GCC2: variants seen among roughly 807,000 people sequenced by gnomAD.
GCC2 encodes GRIP and coiled-coil domain-containing protein 2.
Under a neutral mutation model 210.6 loss-of-function variants are expected in GCC2, and 120 were observed. The observed-to-expected ratio is 0.57, with a 90% CI of 0.49 to 0.66. The LOEUF is 0.66. GCC2 is among the 30% of genes least tolerant of loss of function. GCC2 has a pLI of 0.00. For missense variants in GCC2, 1,868 were observed against 1,871.9 expected, an observed-to-expected ratio of 1.00 and a Z score of 0.04; for synonymous variants, 703 against 652.7, an observed-to-expected ratio of 1.08 and a Z score of -1.17.
At chr2:108,480,156 T>C (rs990329464) in intron 9 of GCC2, among the ~76,000 whole-genome samples, 4 of 152,122 alleles carry the variant, frequency 2.6e-5, no homozygotes, top group Admixed American at 6.5e-5. Flanking sequence ...CTTCCAAATA[T>C]AAACTTTGCA....
intron 4 of GCC2, among the ~76,000 whole-genome samples, chr2:108,459,111 A>G (rs2104419355): frequency 6.6e-6 from 1 of 152,320 alleles, no homozygotes; most frequent in Non-Finnish European, 1.5e-5. Context: ...TGTGATACAA[A>G]AAATCACATA....
chr2:108,498,025 T>C (rs1256962033), intron 21 of GCC2, among the ~76,000 whole-genome samples: 1 of 152,114 alleles, frequency 6.6e-6, no homozygotes, highest in Non-Finnish European at 1.5e-5. Context: ...AATTCAGTTA[T>C]TTTCAGTAAA....
intron 4 of GCC2, among the ~76,000 whole-genome samples, chr2:108,460,410 G>GT (rs1680506046): frequency 6.6e-6 from 1 of 151,982 alleles, no homozygotes; most frequent in African/African-American, 2.4e-5. Flanking sequence ...CGGTTTTCTG[G>GT]TTGCTTTATA....
intron 22 of GCC2, among the ~76,000 whole-genome samples, chr2:108,502,194 G>C (rs1230710840): frequency 6.6e-6 from 1 of 152,072 alleles, no homozygotes; most frequent in African/African-American, 2.4e-5. Flanking sequence ...AGGACTTTAA[G>C]AACGTTTGCA....
At chr2:108,491,999 A>G (rs577850083) in intron 18 of GCC2, among the ~76,000 whole-genome samples, 12 of 152,172 alleles carry the variant, frequency 7.9e-5, no homozygotes, top group Non-Finnish European at 1.3e-4. Flanking sequence ...ATTTTCAACA[A>G]GGTATTCCAG....
intron 12 of GCC2, 75 bp downstream of exon 12, chr2:108,483,241 C>G: frequency 1.3e-6 from 1 of 785,752 alleles, no homozygotes. Context: ...TTGTTCTGTT[C>G]TCTCTGCAAT....
At chr2:108,500,907 C>T (rs1682893276) in intron 22 of GCC2, among the ~76,000 whole-genome samples, 1 of 152,028 alleles carries the variant, frequency 6.6e-6, no homozygotes, top group South Asian at 2.1e-4. Context: ...GTTCATTTTG[C>T]CTGTGTTATT....
intron 4 of GCC2, among the ~76,000 whole-genome samples, chr2:108,463,067 C>T (rs527532315): frequency 1.2e-4 from 18 of 151,832 alleles, no homozygotes; most frequent in Non-Finnish European, 2.5e-4. Context: ...GATATCTATT[C>T]TCTGGTAAAT....
chr2:108,484,993 A>T (rs1305712360), intron 13 of GCC2, among the ~76,000 whole-genome samples: 1 of 151,664 alleles, frequency 6.6e-6, no homozygotes, highest in African/African-American at 2.4e-5. Context: ...ATGCAGCCAT[A>T]AAAAATGATG....
chr2:108,505,548 ACTCT>A (rs748223339), intron 22 of GCC2, among the ~76,000 whole-genome samples: 161 of 152,118 alleles, frequency 1.1e-3, no homozygotes, highest in African/African-American at 3.8e-3. Flanking sequence ...TTGCTAGCGG[ACTCT>A]CTGTCTTCTC....
At chr2:108,503,701 T>C (rs1304654417) in intron 22 of GCC2, among the ~76,000 whole-genome samples, 1 of 152,238 alleles carries the variant, frequency 6.6e-6, no homozygotes, top group Non-Finnish European at 1.5e-5. Flanking sequence ...GGCAAATGTT[T>C]ATAATCTCTG....
At chr2:108,458,418 T>C (rs1680384147) in intron 4 of GCC2, among the ~76,000 whole-genome samples, 1 of 147,324 alleles carries the variant, frequency 6.8e-6, no homozygotes, top group African/African-American at 2.5e-5. Flanking sequence ...CTGGTTTTGG[T>C]ATCAGGGTAG....
Position 108,470,096 on chromosome 2 carries a change from T to C in GCC2, c.767T>C (p.Met256Thr). The change falls in exon 6 of 23, where the codon ATG becomes ACG. Residue 256 changes from methionine (M) to threonine (T), a missense_variant. Physicochemically the swap from Met to Thr is moderately conservative, Grantham distance 81. Coordinates refer to ENST00000309863, the MANE Select transcript of GCC2 (RefSeq NM_181453.4). Reference protein sequence around the residue: ...AIHQEEVKELMCQIEASAKEH... With the variant: ...AIHQEEVKELTCQIEASAKEH... ...CACCAAGAAGAGGTGAAAGAGTTGA[T>C]GTGCCAGATTGAAGCATCAGCTAAG... 6.2e-7 allele frequency: 1 copy of C among 1,613,714 alleles called. No homozygotes were observed. The highest frequency in any genetic ancestry group is 8.5e-7 in the Non-Finnish European group (1 of 1,179,770).
Position 108,470,145 on chromosome 2 carries a change from G to A in GCC2, c.816G>A (p.Lys272=), listed in dbSNP as rs766341042. The stretch of plus-strand genomic sequence containing the variant: ...AGGAACATGAAGCAGAGATAAATAA[G>A]TTGAACGAGCTAAAAGAGAACTTAG... ...SAKEHEAEIN[K]LNELKENLVK... The change falls in exon 6 of 23, where the codon AAG becomes AAA. Residue 272 remains lysine, a synonymous_variant. Coordinates refer to ENST00000309863, the MANE Select transcript of GCC2 (RefSeq NM_181453.4). The A allele has an allele frequency of 6.2e-7, 1 of 1,613,740 alleles. No homozygotes were observed. The highest frequency in any genetic ancestry group is 1.1e-5 in the South Asian group (1 of 91,076).
intron 17 of GCC2, among the ~76,000 whole-genome samples, chr2:108,489,057 T>A (rs910289541): frequency 6.6e-6 from 1 of 152,174 alleles, no homozygotes; most frequent in African/African-American, 2.4e-5. Flanking sequence ...ATACGTTTTT[T>A]AAAAAAAGAA....
intron 18 of GCC2, among the ~76,000 whole-genome samples, chr2:108,491,203 A>T (rs1323688608): frequency 6.6e-6 from 1 of 152,240 alleles, no homozygotes; most frequent in Non-Finnish European, 1.5e-5. Context: ...GTAACAACTG[A>T]GACAGAACAG....
Position 108,471,619 on chromosome 2 carries a change from A to C in GCC2, c.2290A>C (p.Lys764Gln). The change falls in exon 6 of 23, where the codon AAA (lysine) becomes CAA (glutamine). Residue 764 changes from lysine to glutamine, a missense_variant. Coordinates refer to ENST00000309863, the MANE Select transcript of GCC2 (RefSeq NM_181453.4). ...FVKTQLYGFLKEMGSEVSEDS... is the reference protein window; with the variant it reads ...FVKTQLYGFLQEMGSEVSEDS... Reference sequence around the variant, plus strand: ...TAAAACTCAGTTGTATGGTTTTCTTAAAGAAATGGGATCAGAAGTTTCAGA... The same window carrying C: ...TAAAACTCAGTTGTATGGTTTTCTTCAAGAAATGGGATCAGAAGTTTCAGA... 1 of 1,613,534 alleles carries C rather than the reference A, an allele frequency of 6.2e-7. No homozygotes were observed. The highest frequency in any genetic ancestry group is 8.5e-7 in the Non-Finnish European group (1 of 1,179,578).
At chr2:108,480,924 C>T (rs534526171) in intron 9 of GCC2, among the ~76,000 whole-genome samples, 4 of 152,158 alleles carry the variant, frequency 2.6e-5, no homozygotes, top group African/African-American at 7.2e-5. Context: ...TTTTTAAAAA[C>T]ACCATTTTGC....
chr2:108,470,345 A>T lies in GCC2; in HGVS notation c.1016A>T (p.Asp339Val), dbSNP rs1347129199. ...VVNEKVKHLE[D>V]TLKELESQHS... ...AATGAAAAAGTCAAACACTTAGAAGATACCTTAAAAGAACTTGAATCTCAA... is the reference window on the plus strand; with the variant it reads ...AATGAAAAAGTCAAACACTTAGAAGTTACCTTAAAAGAACTTGAATCTCAA... The change falls in exon 6 of 23, where the codon GAT (aspartate) becomes GTT (valine). Residue 339 changes from aspartate to valine, a missense_variant. Coordinates refer to ENST00000309863, the MANE Select transcript of GCC2 (RefSeq NM_181453.4). 6.2e-7 allele frequency: 1 copy of T among 1,606,574 alleles called. No individual in the cohort carries two copies. The highest frequency in any genetic ancestry group is 1.3e-5 in the African/African-American group (1 of 74,598).
Sources: allele counts gnomAD v4.1 joint callset (sites outside exome capture counted in the v4.1 genomes callset), GRCh38; gene constraint gnomAD v4.1.1; transcripts MANE v1.5; gene names NCBI Gene and HGNC (gene_info 2026-07-23, HGNC 2026-07-21).